NCALD: variants seen among roughly 807,000 people sequenced by gnomAD.
NCALD encodes neurocalcin-delta.
A neutral mutation model predicts 18.6 loss-of-function variants in NCALD; 10 were observed. The ratio of observed to expected loss-of-function variants is 0.54; its 90% CI spans 0.33 to 0.91. NCALD has a LOEUF of 0.91. Ranked by LOEUF, NCALD falls within the 40% of genes least tolerant of loss-of-function variation. NCALD has a pLI of 0.03. For missense variants in NCALD, 184 were observed against 247.6 expected, an observed-to-expected ratio of 0.74 and a Z score of 1.72; for synonymous variants, 88 against 87.4, an observed-to-expected ratio of 1.01 and a Z score of -0.04.
intron 3 of NCALD, among the ~76,000 whole-genome samples, chr8:101,892,298 G>A (rs2131515877): frequency 6.8e-6 from 1 of 146,284 alleles, no homozygotes. Context: ...CTGCAGCTGA[G>A]GGTCCTGTCT....
intron 2 of NCALD, among the ~76,000 whole-genome samples, chr8:101,932,178 G>A (rs1231537412): frequency 6.6e-6 from 1 of 151,520 alleles, no homozygotes; most frequent in Non-Finnish European, 1.5e-5. Context: ...GGCATGTTCT[G>A]TCTTTCAGCC....
At chr8:101,878,050 G>T (rs531767834) in intron 4 of NCALD, among the ~76,000 whole-genome samples, 1 of 152,184 alleles carries the variant, frequency 6.6e-6, no homozygotes, top group African/African-American at 2.4e-5. Context: ...GGCACATGCT[G>T]TATGTCCCAG....
At chr8:101,917,848 A>G (rs1207148945) in intron 2 of NCALD, among the ~76,000 whole-genome samples, 2 of 152,034 alleles carry the variant, frequency 1.3e-5, no homozygotes, top group African/African-American at 4.8e-5. Flanking sequence ...AACCCTACCT[A>G]TCAAAAAAAC....
intron 2 of NCALD, among the ~76,000 whole-genome samples, chr8:101,987,296 T>A (rs1310509573): frequency 6.6e-6 from 1 of 152,216 alleles, no homozygotes; most frequent in African/African-American, 2.4e-5. Flanking sequence ...TTAATGTTTT[T>A]AAAGCCAATT....
At position 102,056,335 on chromosome 8, in the gene NCALD, A is replaced by T. The variant is rs1265931545; in HGVS notation, c.-209-36046T>A. Among the ~76,000 whole-genome samples, 3 of 152,216 alleles carry T rather than the reference A, an allele frequency of 2.0e-5. No individual in the cohort carries two copies. In the East Asian group the frequency reaches 5.8e-4, roughly 29 times the overall value. On this transcript the variant is annotated intron_variant, in intron 1 of 6. Transcript: ENST00000311028. ...CAGAACTCTGAGCCTACCCTTTTAA[A>T]TAGCCACAAGATATGAGGAAGTCAC... is the stretch of plus-strand genomic sequence containing the variant.
At chr8:101,719,704 T>A in intron 1 of NCALD, 56 bp from the exon 2 acceptor site, 1 of 1,436,414 alleles carries the variant, frequency 7.0e-7, no homozygotes, top group South Asian at 1.4e-5. Context: ...TAGGGCTGCA[T>A]TTTATAATTT....
intron 1 of NCALD, among the ~76,000 whole-genome samples, chr8:101,743,207 G>A (rs531435431): frequency 1.3e-5 from 2 of 152,236 alleles, no homozygotes; most frequent in African/African-American, 4.8e-5. Flanking sequence ...TACTCAGGAA[G>A]ATTCCATCTC....
chr8:102,062,627 T>C (rs939270659), intron 1 of NCALD, among the ~76,000 whole-genome samples: 3 of 152,230 alleles, frequency 2.0e-5, no homozygotes, highest in Non-Finnish European at 4.4e-5. Flanking sequence ...AATAAACACT[T>C]ATTTCTTGCT....
exon 1 of NCALD, chr8:102,124,282 G>GGCAGCAGCGGCA (rs1384642507): frequency 1.3e-5 from 2 of 151,650 alleles, no homozygotes; most frequent in Non-Finnish European, 2.9e-5. Context: ...GCGAGGCGGC[G>GGCAGCAGCGGCA]GCAGCAGCGG....
Position 101,921,021 on chromosome 8 carries a change from T to TA in NCALD, c.-156-5164dup, listed in dbSNP as rs150097059. ...GTATCAAAAGAACTGAATGATTAGT[T>TA]AGCCTGCGAAAGGACTAACTCAGCA... On this transcript the variant is annotated intron_variant, in intron 2 of 6. Coordinates refer to the NCALD transcript ENST00000311028. Among the ~76,000 whole-genome samples the TA allele has an allele frequency of 2.2e-3, 335 of 152,286 alleles. 2 individuals carry two copies. Among genetic ancestry groups the TA allele is most frequent in the African/African-American group, 7.7e-3 (318 of 41,556 alleles).
intron 2 of NCALD, among the ~76,000 whole-genome samples, chr8:102,003,290 T>A (rs1233286247): frequency 6.6e-6 from 1 of 152,316 alleles, no homozygotes; most frequent in East Asian, 1.9e-4. Context: ...AAGAAATGGA[T>A]AAATTCCTCG....
chr8:102,065,345 C>A (rs1823977111), intron 1 of NCALD, among the ~76,000 whole-genome samples: 1 of 152,030 alleles, frequency 6.6e-6, no homozygotes, highest in Non-Finnish European at 1.5e-5. Flanking sequence ...TACCTCAGGG[C>A]AGAGTGACAG....
chr8:101,820,483 AACAG>A (rs1267734921), intron 4 of NCALD, among the ~76,000 whole-genome samples: 7 of 152,332 alleles, frequency 4.6e-5, no homozygotes, highest in African/African-American at 7.2e-5. Flanking sequence ...AGACTCCCCA[AACAG>A]ACAGAGTTAT....
upstream of NCALD, among the ~76,000 whole-genome samples, chr8:101,793,178 G>A (rs1483479840): frequency 3.9e-5 from 6 of 152,008 alleles, no homozygotes; most frequent in Middle Eastern, 3.4e-3. Flanking sequence ...GTGAAACCCC[G>A]TCTCTATTAA....
chr8:101,809,024 A>C (rs1813211414), intron 4 of NCALD, among the ~76,000 whole-genome samples: 1 of 152,226 alleles, frequency 6.6e-6, no homozygotes, highest in Non-Finnish European at 1.5e-5. Flanking sequence ...ATCTTGTGCA[A>C]GTGAAATATC....
At chr8:101,945,484 T>C (rs1187565519) in intron 2 of NCALD, among the ~76,000 whole-genome samples, 1 of 152,242 alleles carries the variant, frequency 6.6e-6, no homozygotes, top group Non-Finnish European at 1.5e-5. Context: ...AGGTCTCATG[T>C]AGAACTTCAT....
intron 1 of NCALD, among the ~76,000 whole-genome samples, chr8:102,028,391 C>T (rs944731395): frequency 3.9e-5 from 6 of 152,202 alleles, no homozygotes; most frequent in Non-Finnish European, 8.8e-5. Context: ...ATAAATAAAG[C>T]AAGCCTCTTT....
At chr8:102,058,602 ACT>A (rs1052925565) in intron 1 of NCALD, among the ~76,000 whole-genome samples, 2 of 151,696 alleles carry the variant, frequency 1.3e-5, no homozygotes, top group Non-Finnish European at 2.9e-5. Context: ...TCTCAGCTGT[ACT>A]CTCTCCCTCG....
At chr8:101,969,296 C>T (rs1359090914) in intron 2 of NCALD, among the ~76,000 whole-genome samples, 1 of 152,172 alleles carries the variant, frequency 6.6e-6, no homozygotes, top group Non-Finnish European at 1.5e-5. Flanking sequence ...AATCTCCTGC[C>T]TGTATTAGCT....
Sources: gnomAD v4.1 joint callset for allele counts (sites outside exome capture counted in the v4.1 genomes callset) on GRCh38, gnomAD v4.1.1 for gene constraint, MANE v1.5 for transcripts, NCBI Gene and HGNC (gene_info 2026-07-23, HGNC 2026-07-21) for gene names.